The following CTNNA3 variants were observed in gnomAD, a reference collection of about 807,000 sequenced individuals.
The protein encoded by CTNNA3 is catenin alpha-3.
Under a neutral mutation model 95.7 loss-of-function variants are expected in CTNNA3, and 76 were observed. The ratio of observed to expected loss-of-function variants is 0.79; its 90% CI spans 0.66 to 0.96. The LOEUF (loss-of-function observed/expected upper bound fraction) is 0.96, where lower values mean the gene tolerates loss of function less well. Among genes scored for constraint, CTNNA3 ranks in the 40% least tolerant of loss-of-function variants. CTNNA3 has a pLI of 0.00. For synonymous variants in CTNNA3, 431 were observed against 374.4 expected, an observed-to-expected ratio of 1.15 and a Z score of -1.74; for missense variants, 1,191 against 1,089.8, an observed-to-expected ratio of 1.09 and a Z score of -1.31.
intron 5 of CTNNA3, among the ~76,000 whole-genome samples, chr10:67,410,404 C>G (rs1034105608): frequency 1.3e-5 from 2 of 152,006 alleles, no homozygotes; most frequent in African/African-American, 4.8e-5. Context: ...CTAGTGGATG[C>G]TGGGCTTAAT....
chr10:66,537,299 C>T (rs1414974396), intron 10 of CTNNA3, among the ~76,000 whole-genome samples: 1 of 152,074 alleles, frequency 6.6e-6, no homozygotes, highest in Non-Finnish European at 1.5e-5. Context: ...AAAGACCAGA[C>T]CACATCTTTA....
At chr10:66,635,990 CTGTGTGTG>C (rs10527642) in intron 9 of CTNNA3, among the ~76,000 whole-genome samples, 5,866 of 145,884 alleles carry the variant, frequency 0.04, 385 homozygotes, top group African/African-American at 0.13. Context: ...TGGAAGAACA[CTGTGTGTG>C]TGTGTGTGTG....
chr10:66,296,568 T>A (rs1365515248), intron 12 of CTNNA3, among the ~76,000 whole-genome samples: 2 of 149,162 alleles, frequency 1.3e-5, no homozygotes, highest in African/African-American at 5.0e-5. Flanking sequence ...TGTGTGTATA[T>A]ATATACACAC....
At chr10:66,395,761 G>T (rs2092970767) in intron 11 of CTNNA3, among the ~76,000 whole-genome samples, 1 of 151,858 alleles carries the variant, frequency 6.6e-6, no homozygotes, top group Admixed American at 6.6e-5. Context: ...TCTCTTAAGA[G>T]TTCTCTATTT....
rs528726146 is a variant in CTNNA3 at position 67,179,993 on chromosome 10, A to G, written c.1047+324T>C. ...TCCTGAGCAATCTGCCCCTCTCTTT[A>G]TCTTCTTTATATTTCTTAAATTGAT... On this transcript the variant is annotated intron_variant, in intron 7 of 17. Transcript: ENST00000433211. Among the ~76,000 whole-genome samples, 8 of 152,014 alleles carry G rather than the reference A, an allele frequency of 5.3e-5. No individual in the cohort carries two copies. In the East Asian group the frequency reaches 1.4e-3, roughly 26 times the overall value.
At chr10:67,329,918 C>G (rs1224834549) in intron 5 of CTNNA3, among the ~76,000 whole-genome samples, 2 of 152,234 alleles carry the variant, frequency 1.3e-5, no homozygotes, top group African/African-American at 4.8e-5. Context: ...TCCAACTTCT[C>G]ACTCCGCCAC....
chr10:67,011,057 C>T (rs757130549), intron 7 of CTNNA3, among the ~76,000 whole-genome samples: 6 of 152,020 alleles, frequency 3.9e-5, no homozygotes, highest in African/African-American at 1.2e-4. Context: ...AGGCCAGGCG[C>T]GGTGGCTCAC....
chr10:66,709,929 C>A (rs969563340), intron 9 of CTNNA3, among the ~76,000 whole-genome samples: 1 of 152,202 alleles, frequency 6.6e-6, no homozygotes, highest in African/African-American at 2.4e-5. Flanking sequence ...ATTTGAAATG[C>A]TATTAGAAAT....
chr10:66,766,163 A>C (rs1839842059), intron 9 of CTNNA3, 101 bp downstream of exon 9: 17 of 1,160,734 alleles, frequency 1.5e-5, no homozygotes, highest in Non-Finnish European at 2.1e-5. Flanking sequence ...TATTTGTAAC[A>C]CGGTGTCAAA....
At chr10:67,394,282 G>C (rs563442101) in intron 5 of CTNNA3, among the ~76,000 whole-genome samples, 1 of 149,444 alleles carries the variant, frequency 6.7e-6, no homozygotes, top group Admixed American at 6.7e-5. Context: ...AATGGAGCAT[G>C]AATAGAAGAA....
rs58074397 is a variant in CTNNA3, at chr10:67,720,129, C to CTTTTTTTTT, written c.-2+43296_-2+43304dup. Among the ~76,000 whole-genome samples the CTTTTTTTTT allele has an allele frequency of 5.7e-3, 38 of 6,612 alleles. 17 individuals are homozygous for CTTTTTTTTT. Among genetic ancestry groups the CTTTTTTTTT allele is most frequent in the Non-Finnish European group, 0.01 (29 of 2,808 alleles). The allele number at this position is 6,612 out of a possible 152,430, so 4.3% of individuals were successfully genotyped here. ...TCAGAGACTAGGATTGCAACCCCTGCTTTTTTTTTTTTTTTTTTTTTTTGC... is the reference window on the plus strand; with the variant it reads ...TCAGAGACTAGGATTGCAACCCCTGCTTTTTTTTTTTTTTTTTTTTTTTTTTTTTTTTGC... On this transcript the variant is annotated intron_variant, in intron 1 of 17. Transcript: ENST00000684154.
At chr10:66,881,504 CATATAACA>C (rs1844849790) in intron 7 of CTNNA3, among the ~76,000 whole-genome samples, 1 of 152,056 alleles carries the variant, frequency 6.6e-6, no homozygotes, top group African/African-American at 2.4e-5. Context: ...GGACTCACAC[CATATAACA>C]TGATTCTACT....
intron 13 of CTNNA3, among the ~76,000 whole-genome samples, chr10:66,188,889 C>T (rs1007185138): frequency 1.3e-5 from 2 of 151,902 alleles, no homozygotes; most frequent in African/African-American, 4.8e-5. Flanking sequence ...CTCACCAACA[C>T]TTATCTCTTG....
intron 11 of CTNNA3, among the ~76,000 whole-genome samples, chr10:66,441,872 T>C (rs2093377629): frequency 6.6e-6 from 1 of 152,178 alleles, no homozygotes; most frequent in Non-Finnish European, 1.5e-5. Flanking sequence ...AGAATTTTGG[T>C]AAAGCAAAAT....
At chr10:67,120,359 T>C (rs1470629694) in intron 7 of CTNNA3, among the ~76,000 whole-genome samples, 1 of 151,930 alleles carries the variant, frequency 6.6e-6, no homozygotes, top group Non-Finnish European at 1.5e-5. Context: ...TGTATAAGCT[T>C]CCTTTGGTGA....
chr10:67,197,659 G>A (rs1478184132), intron 6 of CTNNA3, among the ~76,000 whole-genome samples: 1 of 152,118 alleles, frequency 6.6e-6, no homozygotes, highest in African/African-American at 2.4e-5. Flanking sequence ...TTTAAGGATT[G>A]TGGGTATTCT....
intron 17 of CTNNA3, among the ~76,000 whole-genome samples, chr10:65,956,846 G>A (rs1314491214): frequency 1.3e-5 from 2 of 152,206 alleles, no homozygotes; most frequent in African/African-American, 4.8e-5. Flanking sequence ...ACGTTGTGCT[G>A]AGAAGAATGT....
intron 1 of CTNNA3, among the ~76,000 whole-genome samples, chr10:67,667,264 A>G (rs1445770659): frequency 6.6e-6 from 1 of 152,130 alleles, no homozygotes. Flanking sequence ...TTTATTTCAC[A>G]ACTTAACACT....
At chr10:66,051,766 T>C (rs927974897) in intron 15 of CTNNA3, among the ~76,000 whole-genome samples, 1 of 152,210 alleles carries the variant, frequency 6.6e-6, no homozygotes, top group Non-Finnish European at 1.5e-5. Context: ...ATTCTATCAG[T>C]TCAGAAACAT....
Sources: allele counts gnomAD v4.1 joint callset (sites outside exome capture counted in the v4.1 genomes callset), GRCh38; gene constraint gnomAD v4.1.1; transcripts MANE v1.5; gene names NCBI Gene and HGNC (gene_info 2026-07-23, HGNC 2026-07-21).